Variants in CNTNAP5 observed in about 807,000 individuals in gnomAD.
The protein encoded by CNTNAP5 is contactin-associated protein-like 5.
A neutral mutation model predicts 150.2 loss-of-function variants in CNTNAP5; 72 were observed. The observed-to-expected ratio is 0.48, with a 90% CI of 0.40 to 0.58. The LOEUF (loss-of-function observed/expected upper bound fraction) is 0.58. Among genes scored for constraint, CNTNAP5 ranks in the 20% least tolerant of loss-of-function variants. CNTNAP5 has a pLI of 0.00. For synonymous variants in CNTNAP5, 672 were observed against 619.8 expected (o/e 1.08, Z -1.25); for missense variants, 1,636 against 1,626.2 (o/e 1.01, Z -0.10).
intron 11 of CNTNAP5, among the ~76,000 whole-genome samples, chr2:124,598,148 A>G (rs1696875505): frequency 7.4e-6 from 1 of 134,776 alleles, no homozygotes; most frequent in Non-Finnish European, 1.6e-5. Flanking sequence ...TCAGCTCATC[A>G]AAATCATTCT....
intron 13 of CNTNAP5, among the ~76,000 whole-genome samples, chr2:124,680,059 T>C (rs1191411019): frequency 6.6e-6 from 1 of 151,772 alleles, no homozygotes; most frequent in Non-Finnish European, 1.5e-5. Flanking sequence ...GGAATAGAAA[T>C]TATAACCTGA....
chr2:124,323,813 C>T (rs2104671888), intron 3 of CNTNAP5, among the ~76,000 whole-genome samples: 1 of 152,232 alleles, frequency 6.6e-6, no homozygotes, highest in East Asian at 1.9e-4. Context: ...CCTTCAATTA[C>T]TCCAACTGAA....
intron 1 of CNTNAP5, among the ~76,000 whole-genome samples, chr2:124,074,492 A>T (rs960840345): frequency 6.6e-6 from 1 of 151,948 alleles, no homozygotes; most frequent in Non-Finnish European, 1.5e-5. Flanking sequence ...CACAAAAATT[A>T]AAAAACCATT....
intron 13 of CNTNAP5, among the ~76,000 whole-genome samples, chr2:124,674,195 T>C (rs1678881100): frequency 6.6e-6 from 1 of 152,208 alleles, no homozygotes; most frequent in African/African-American, 2.4e-5. Context: ...TTTTTCTCTA[T>C]AGTTTTACTA....
At chr2:124,035,738 T>G (rs1480137493) in intron 1 of CNTNAP5, among the ~76,000 whole-genome samples, 1 of 152,066 alleles carries the variant, frequency 6.6e-6, no homozygotes, top group Non-Finnish European at 1.5e-5. Context: ...TGACCCAAGT[T>G]TATTAGCTTA....
intron 12 of CNTNAP5, among the ~76,000 whole-genome samples, chr2:124,627,171 A>T: frequency 6.6e-6 from 1 of 152,038 alleles, no homozygotes; most frequent in East Asian, 1.9e-4. Flanking sequence ...GCTCTGAAAA[A>T]ATCAGCTGAT....
intron 3 of CNTNAP5, among the ~76,000 whole-genome samples, chr2:124,369,711 A>C (rs2104725139): frequency 6.6e-6 from 1 of 152,332 alleles, no homozygotes; most frequent in East Asian, 1.9e-4. Flanking sequence ...TCACTACATG[A>C]AAATCACTCA....
At chr2:124,723,511 A>C (rs191655497) in intron 13 of CNTNAP5, among the ~76,000 whole-genome samples, 1 of 152,294 alleles carries the variant, frequency 6.6e-6, no homozygotes, top group Non-Finnish European at 1.5e-5. Context: ...CCACATTTTT[A>C]GGTATTTGTT....
chr2:124,132,422 T>A (rs930548306), intron 1 of CNTNAP5, among the ~76,000 whole-genome samples: 2 of 152,186 alleles, frequency 1.3e-5, no homozygotes, highest in African/African-American at 4.8e-5. Flanking sequence ...ATATTTCCTA[T>A]AAAATATGGT....
intron 1 of CNTNAP5, among the ~76,000 whole-genome samples, chr2:124,217,839 C>G (rs1686198577): frequency 6.6e-6 from 1 of 152,082 alleles, no homozygotes; most frequent in Non-Finnish European, 1.5e-5. Flanking sequence ...CTTATTCCAT[C>G]TTTAAAATGA....
intron 8 of CNTNAP5, 134 bp downstream of exon 8, chr2:124,504,690 C>G (rs1170186736): frequency 2.9e-6 from 2 of 686,710 alleles, no homozygotes; most frequent in Non-Finnish European, 4.6e-6. Flanking sequence ...TACTCCAAGT[C>G]TGAAGAGGCA....
chr2:124,526,555 G>A (rs1385325675), intron 9 of CNTNAP5, among the ~76,000 whole-genome samples: 1 of 152,138 alleles, frequency 6.6e-6, no homozygotes, highest in Non-Finnish European at 1.5e-5. Flanking sequence ...ATACCTGCAA[G>A]GCTCTATACC....
chr2:124,025,382 G>T lies in CNTNAP5; in HGVS notation c.-269G>T. ...GGGTTTGGATTTGCACCGTTAAGGA[G>T]GGGGGAAGAGAAGGAAGAGGCGGGC... On this transcript the variant is annotated 5_prime_UTR_variant, in exon 1 of 24. It adds an upstream start codon to the 5' untranslated region. Transcript: ENST00000682447. 2 of 520,136 alleles carry T rather than the reference G, an allele frequency of 3.8e-6. No homozygotes were observed. Among genetic ancestry groups the T allele is most frequent in the East Asian group, 3.4e-5 (1 of 29,450 alleles). 32.2% of individuals were successfully genotyped at this position (520,136 alleles called of 1,614,324 possible). A position where few individuals can be genotyped will look rare whatever the true frequency, so the allele number is the denominator to read the frequency against.
chr2:124,146,526 A>T (rs999295672), intron 1 of CNTNAP5, among the ~76,000 whole-genome samples: 1 of 152,084 alleles, frequency 6.6e-6, no homozygotes, highest in African/African-American at 2.4e-5. Flanking sequence ...TTATGAAAGT[A>T]AACATTTGAA....
At chr2:124,525,890 T>G (rs962793013) in intron 9 of CNTNAP5, among the ~76,000 whole-genome samples, 1 of 152,184 alleles carries the variant, frequency 6.6e-6, no homozygotes, top group Non-Finnish European at 1.5e-5. Context: ...GCTCATGAAT[T>G]CAATTCCAGA....
intron 4 of CNTNAP5, among the ~76,000 whole-genome samples, chr2:124,419,140 C>CAAAAAAAAAAAAAAAAAAAAAAA (rs778863758): frequency 2.4e-4 from 7 of 28,910 alleles, no homozygotes; most frequent in East Asian, 1.9e-3. Context: ...GACTCCTTCT[C>CAAAAAAAAAAAAAAAAAAAAAAA]AAAAAAAAAA....
intron 13 of CNTNAP5, among the ~76,000 whole-genome samples, chr2:124,744,985 G>A (rs577507358): frequency 2.0e-5 from 3 of 152,100 alleles, no homozygotes; most frequent in East Asian, 3.9e-4. Flanking sequence ...AGAGTCATTT[G>A]GTTAAAACGT....
At chr2:124,584,480 C>T (rs953222229) in intron 11 of CNTNAP5, among the ~76,000 whole-genome samples, 18 of 152,166 alleles carry the variant, frequency 1.2e-4, no homozygotes, top group African/African-American at 4.3e-4. Flanking sequence ...TAAATATCCT[C>T]TAAGTGTAGC....
chr2:124,548,181 C>A (rs1259531368), intron 10 of CNTNAP5, among the ~76,000 whole-genome samples: 1 of 152,134 alleles, frequency 6.6e-6, no homozygotes, highest in African/African-American at 2.4e-5. Context: ...CCATAATCTC[C>A]ATGTGTAAGG....
Sources: gnomAD v4.1 joint callset for allele counts (sites outside exome capture counted in the v4.1 genomes callset) on GRCh38, gnomAD v4.1.1 for gene constraint, MANE v1.5 for transcripts, NCBI Gene and HGNC (gene_info 2026-07-23, HGNC 2026-07-21) for gene names.